Variants in TMCO5A observed in about 807,000 individuals in gnomAD.
TMCO5A encodes transmembrane and coiled-coil domains 5A.
A neutral mutation model predicts 42.3 loss-of-function variants in TMCO5A; 34 were observed. The ratio of observed to expected loss-of-function variants is 0.80; its 90% CI spans 0.61 to 1.07. The LOEUF is 1.07. Ranked by LOEUF, TMCO5A falls within the 50% of genes least tolerant of loss-of-function variation. The pLI is 0.00. For synonymous variants in TMCO5A, 131 were observed against 115.6 expected (o/e 1.13, Z -0.86); for missense variants, 357 against 327.9 (o/e 1.09, Z -0.69).
At chr15:37,995,250 C>T in the TMCO5A span, among the ~76,000 whole-genome samples, 1 of 152,170 alleles carries the variant, frequency 6.6e-6, no homozygotes, top group South Asian at 2.1e-4. Flanking sequence ...AATCTTTCTC[C>T]TGTCTTTGCC....
chr15:38,003,006 T>C, the TMCO5A span, among the ~76,000 whole-genome samples: 1 of 152,168 alleles, frequency 6.6e-6, no homozygotes, highest in African/African-American at 2.4e-5. Flanking sequence ...TGGGAAGGCT[T>C]TCCGAGTCCC....
the TMCO5A span, among the ~76,000 whole-genome samples, chr15:38,023,760 A>G: frequency 6.6e-6 from 1 of 152,232 alleles, no homozygotes; most frequent in Non-Finnish European, 1.5e-5. Context: ...CACACCATAC[A>G]CAAGTAAACT....
rs992318533 is a variant in TMCO5A at position 37,934,646 on chromosome 15, T to C, written c.-151T>C. 1 of 151,836 alleles carries C rather than the reference T, an allele frequency of 6.6e-6. No individual in the cohort carries two copies. The highest frequency in any genetic ancestry group is 6.6e-5 in the Admixed American group (1 of 15,230). 9.4% of individuals were successfully genotyped at this position (151,836 alleles called of 1,614,324 possible). ...GAGAAAGATTAGACTCCTCAGAAGCTAATTGACTAGGGAAGGATCAGGAAG... is the reference window on the plus strand; with the variant it reads ...GAGAAAGATTAGACTCCTCAGAAGCCAATTGACTAGGGAAGGATCAGGAAG... On this transcript the variant is annotated 5_prime_UTR_variant, in exon 1 of 12. Coordinates refer to ENST00000319669, the MANE Select transcript of TMCO5A (RefSeq NM_152453.4).
At chr15:37,953,197 C>T (rs1028229974), downstream of TMCO5A, among the ~76,000 whole-genome samples, 2 of 152,084 alleles carry the variant, frequency 1.3e-5, no homozygotes, top group Admixed American at 6.6e-5. Context: ...GATTGTAGAG[C>T]CCCCAGGGCC....
the TMCO5A span, among the ~76,000 whole-genome samples, chr15:38,033,072 C>T: frequency 6.6e-6 from 1 of 152,066 alleles, no homozygotes; most frequent in African/African-American, 2.4e-5. Flanking sequence ...GGACTACAGG[C>T]GCCAGCCACC....
At chr15:37,980,602 G>A in the TMCO5A span, among the ~76,000 whole-genome samples, 5 of 145,640 alleles carry the variant, frequency 3.4e-5, 1 homozygote, top group Admixed American at 2.8e-4. Context: ...CTGTGAGAGC[G>A]GCGCACACCA....
the TMCO5A span, among the ~76,000 whole-genome samples, chr15:38,010,561 G>A: frequency 6.6e-6 from 1 of 151,800 alleles, no homozygotes; most frequent in Non-Finnish European, 1.5e-5. Flanking sequence ...CAGCTGGCAG[G>A]GGGAACCTGC....
At chr15:38,037,734 G>A in the TMCO5A span, among the ~76,000 whole-genome samples, 2 of 152,218 alleles carry the variant, frequency 1.3e-5, no homozygotes, top group Non-Finnish European at 2.9e-5. Flanking sequence ...GTAATTGTTG[G>A]CCAGGCACGG....
chr15:37,951,568 C>G (rs1025300803), downstream of TMCO5A: 10 of 240,620 alleles, frequency 4.2e-5, no homozygotes, highest in Admixed American at 1.1e-4. Context: ...TCCTGAAATA[C>G]AGAAGATTAC....
chr15:38,029,034 T>C, the TMCO5A span, among the ~76,000 whole-genome samples: 1 of 152,190 alleles, frequency 6.6e-6, no homozygotes, highest in African/African-American at 2.4e-5. Context: ...GAAATGCTGT[T>C]ATAACTCAAT....
chr15:38,020,130 C>CTA, the TMCO5A span: 3 of 152,082 alleles, frequency 2.0e-5, 1 homozygote, highest in Non-Finnish European at 4.4e-5. Context: ...GTAGGTAGGA[C>CTA]TACAGATGCA....
the TMCO5A span, among the ~76,000 whole-genome samples, chr15:38,034,583 C>T: frequency 6.6e-6 from 1 of 152,188 alleles, no homozygotes; most frequent in Non-Finnish European, 1.5e-5. Flanking sequence ...CCTCCCCAAC[C>T]ACCCCCAGAG....
the TMCO5A span, among the ~76,000 whole-genome samples, chr15:37,984,422 A>G: frequency 0.022 from 3,288 of 152,290 alleles, 114 homozygotes; most frequent in African/African-American, 0.074. Flanking sequence ...AAAAGCTAAT[A>G]TTCAATGTTA....
At chr15:37,936,263 A>G in intron 2 of TMCO5A, 51 bp from the exon 3 acceptor site, 1 of 1,568,996 alleles carries the variant, frequency 6.4e-7, no homozygotes, top group Non-Finnish European at 8.6e-7. Context: ...CCTGATGATT[A>G]TTGATCTTGA....
chr15:37,992,666 A>G, the TMCO5A span, among the ~76,000 whole-genome samples: 57 of 152,334 alleles, frequency 3.7e-4, no homozygotes, highest in African/African-American at 1.3e-3. Context: ...TTATGCAGCC[A>G]TAAAAAAGAA....
the TMCO5A span, among the ~76,000 whole-genome samples, chr15:38,034,854 C>T: frequency 2.6e-5 from 4 of 152,150 alleles, no homozygotes; most frequent in African/African-American, 9.7e-5. Context: ...CTGGGTGTGA[C>T]CCTCCCTACA....
downstream of TMCO5A, among the ~76,000 whole-genome samples, chr15:37,953,375 G>C (rs1890207619): frequency 6.6e-6 from 1 of 152,130 alleles, no homozygotes; most frequent in Admixed American, 6.5e-5. Flanking sequence ...AAAAGAGAGA[G>C]ATGCCATTCA....
At chr15:37,962,998 G>T (rs1210350257) in intron 11 of TMCO5A, among the ~76,000 whole-genome samples, 1 of 151,760 alleles carries the variant, frequency 6.6e-6, no homozygotes. Context: ...CCAGCTTTTT[G>T]TTTCATTTAT....
the TMCO5A span, among the ~76,000 whole-genome samples, chr15:37,983,162 G>T: frequency 6.6e-6 from 1 of 152,098 alleles, no homozygotes; most frequent in Non-Finnish European, 1.5e-5. Flanking sequence ...TCATGTGCTT[G>T]CCATGACACT....
Sources: gnomAD v4.1 joint callset for allele counts (sites outside exome capture counted in the v4.1 genomes callset) on GRCh38, gnomAD v4.1.1 for gene constraint, MANE v1.5 for transcripts, NCBI Gene and HGNC (gene_info 2026-07-23, HGNC 2026-07-21) for gene names.